GPR158: variants seen among roughly 807,000 people sequenced by gnomAD.
The protein encoded by GPR158 is G protein-coupled receptor 158.
A neutral mutation model predicts 78.2 loss-of-function variants in GPR158; 30 were observed. The ratio of observed to expected loss-of-function variants is 0.38; its 90% CI spans 0.29 to 0.52. GPR158 has a LOEUF of 0.52. Ranked by LOEUF, GPR158 falls within the 20% of genes least tolerant of loss-of-function variation. GPR158 has a pLI of 0.83. For missense variants in GPR158, 1,463 were observed against 1,523.5 expected, an observed-to-expected ratio of 0.96 and a Z score of 0.66; for synonymous variants, 581 against 591.1, an observed-to-expected ratio of 0.98 and a Z score of 0.25.
chr10:25,253,168 C>A (rs532909211), intron 2 of GPR158, among the ~76,000 whole-genome samples: 2 of 138,336 alleles, frequency 1.4e-5, no homozygotes, highest in African/African-American at 2.7e-5. Context: ...CGCCCTGCTT[C>A]GGCTCGCGCA....
intron 2 of GPR158, among the ~76,000 whole-genome samples, chr10:25,254,294 A>G (rs932851409): frequency 5.9e-5 from 9 of 152,216 alleles, no homozygotes; most frequent in Non-Finnish European, 2.9e-5. Flanking sequence ...TCATGGCAAA[A>G]CAGGACAAAT....
intron 1 of GPR158, among the ~76,000 whole-genome samples, chr10:25,219,794 G>A (rs1484023552): frequency 1.3e-5 from 2 of 152,210 alleles, no homozygotes; most frequent in Admixed American, 1.3e-4. Flanking sequence ...AAAGAGATGA[G>A]AGAAATGAGT....
At chr10:25,410,448 T>C (rs1213201087) in intron 3 of GPR158, among the ~76,000 whole-genome samples, 1 of 152,092 alleles carries the variant, frequency 6.6e-6, no homozygotes, top group Non-Finnish European at 1.5e-5. Flanking sequence ...AAACCCTGTC[T>C]CTACTAAAAA....
chr10:25,433,942 G>A (rs775167689), intron 4 of GPR158, among the ~76,000 whole-genome samples: 164 of 151,834 alleles, frequency 1.1e-3, no homozygotes, highest in Non-Finnish European at 9.0e-4. Context: ...GGTGGATCAC[G>A]AGGTCAGGAG....
At chr10:25,255,629 G>A (rs902552763) in intron 2 of GPR158, among the ~76,000 whole-genome samples, 4 of 152,070 alleles carry the variant, frequency 2.6e-5, no homozygotes, top group Non-Finnish European at 4.4e-5. Flanking sequence ...TTTTGTGCTG[G>A]CCTCAGCTTC....
At chr10:25,319,309 T>G (rs1854910026) in intron 2 of GPR158, among the ~76,000 whole-genome samples, 1 of 152,194 alleles carries the variant, frequency 6.6e-6, no homozygotes, top group Non-Finnish European at 1.5e-5. Context: ...CACAGTATAT[T>G]GACATTTACT....
rs531614890 is a variant in GPR158 at position 25,198,484 on chromosome 10, G to A, written c.902+22162G>A. 3.9e-5 allele frequency among the ~76,000 whole-genome samples: 6 copies of A among 152,244 alleles called. No individual in the cohort carries two copies. The South Asian group carries it at 1.0e-3, about 26-fold the overall frequency. On this transcript the variant is annotated intron_variant, in intron 1 of 10. Coordinates refer to ENST00000376351, the MANE Select transcript of GPR158 (RefSeq NM_020752.3). ...AATTTACATTATCACAGGACTATCA[G>A]GTCATGATTGAAATTATGGATAGTT...
intron 5 of GPR158, among the ~76,000 whole-genome samples, chr10:25,527,730 C>T (rs567165512): frequency 1.4e-4 from 22 of 151,994 alleles, no homozygotes; most frequent in African/African-American, 5.1e-4. Context: ...TACTTGAAAT[C>T]AGACATATAA....
intron 4 of GPR158, among the ~76,000 whole-genome samples, chr10:25,440,434 G>T (rs567451096): frequency 1.3e-5 from 2 of 152,270 alleles, no homozygotes; most frequent in East Asian, 3.9e-4. Flanking sequence ...ACAAAACATT[G>T]GTTTCCATTT....
intron 5 of GPR158, among the ~76,000 whole-genome samples, chr10:25,479,518 A>G (rs824612): frequency 0.74 from 112,440 of 151,918 alleles, 42,921 homozygotes; most frequent in East Asian, 0.99. Flanking sequence ...GGGTTCCAAC[A>G]ATTCTCCTGC....
chr10:25,249,109 C>G (rs973006457), intron 2 of GPR158, among the ~76,000 whole-genome samples: 1 of 151,638 alleles, frequency 6.6e-6, no homozygotes, highest in African/African-American at 2.4e-5. Flanking sequence ...TGATTTGGCT[C>G]TCTGTCTGTT....
At chr10:25,300,009 C>T (rs772469778) in intron 2 of GPR158, among the ~76,000 whole-genome samples, 5 of 152,020 alleles carry the variant, frequency 3.3e-5, no homozygotes, top group Non-Finnish European at 5.9e-5. Flanking sequence ...CCACCCACCT[C>T]GGTCTACCAA....
At chr10:25,492,967 A>G (rs1466431857) in intron 5 of GPR158, among the ~76,000 whole-genome samples, 1 of 151,434 alleles carries the variant, frequency 6.6e-6, no homozygotes, top group South Asian at 2.1e-4. Flanking sequence ...CCTTTTCAAT[A>G]TTTGAAAATG....
At chr10:25,464,561 A>G (rs1197791775) in intron 4 of GPR158, among the ~76,000 whole-genome samples, 1 of 152,220 alleles carries the variant, frequency 6.6e-6, no homozygotes, top group Non-Finnish European at 1.5e-5. Flanking sequence ...AGATTTAATA[A>G]GGTAAAGATT....
At chr10:25,330,452 T>C (rs1264990073) in intron 2 of GPR158, among the ~76,000 whole-genome samples, 1 of 152,138 alleles carries the variant, frequency 6.6e-6, no homozygotes, top group Non-Finnish European at 1.5e-5. Flanking sequence ...CTTTGGATAG[T>C]TTATTAAGTA....
intron 1 of GPR158, among the ~76,000 whole-genome samples, chr10:25,218,817 A>G (rs1429078920): frequency 6.6e-6 from 1 of 151,598 alleles, no homozygotes. Flanking sequence ...TTTCTATTTC[A>G]TCCCCTTTAT....
At position 25,490,735 on chromosome 10, in the gene GPR158, T is replaced by C. The variant is rs537787092; in HGVS notation, c.1404+24016T>C. Among the ~76,000 whole-genome samples, 415 of 148,072 alleles carry C rather than the reference T, an allele frequency of 2.8e-3. 3 individuals are homozygous for C. The highest frequency in any genetic ancestry group is 9.7e-3 in the African/African-American group (388 of 39,840). On this transcript the variant is annotated intron_variant, in intron 5 of 10. Transcript: ENST00000376351. ...GCTTCCAAGTCTTTGCTATTGTGAA[T>C]AATGCCGCAATAAACATATGTGTGC...
chr10:25,408,743 T>C (rs1233524228), intron 3 of GPR158, among the ~76,000 whole-genome samples: 2 of 152,226 alleles, frequency 1.3e-5, no homozygotes, highest in East Asian at 1.9e-4. Context: ...ATACCTTTTT[T>C]TCATCATCTC....
chr10:25,432,465 C>G (rs1045549709), intron 4 of GPR158, among the ~76,000 whole-genome samples: 1 of 151,946 alleles, frequency 6.6e-6, no homozygotes, highest in Non-Finnish European at 1.5e-5. Flanking sequence ...CAAAGATTTA[C>G]AAATACCTGC....
Sources: gnomAD v4.1 joint callset for allele counts (sites outside exome capture counted in the v4.1 genomes callset) on GRCh38, gnomAD v4.1.1 for gene constraint, MANE v1.5 for transcripts, NCBI Gene and HGNC (gene_info 2026-07-23, HGNC 2026-07-21) for gene names.